NRG1: variants seen among roughly 807,000 people sequenced by gnomAD.
NRG1 encodes neuregulin 1, also known as pro-neuregulin-1, membrane-bound isoform.
A neutral mutation model predicts 63.8 loss-of-function variants in NRG1; 18 were observed. The observed-to-expected ratio is 0.28, with a 90% CI of 0.19 to 0.42. The LOEUF is 0.42. Among genes scored for constraint, NRG1 ranks in the 10% least tolerant of loss-of-function variants. The pLI is 1.00. For synonymous variants in NRG1, 302 were observed against 301.3 expected, an observed-to-expected ratio of 1.00 and a Z score of -0.02; for missense variants, 762 against 814.7, an observed-to-expected ratio of 0.94 and a Z score of 0.79.
chr8:32,233,469 A>T (rs1465424190), intron 1 of NRG1, among the ~76,000 whole-genome samples: 3 of 150,320 alleles, frequency 2.0e-5, no homozygotes, highest in Non-Finnish European at 3.0e-5. Flanking sequence ...CTATAAAAGT[A>T]TGCAAATATA....
chr8:32,659,041 G>A lies in NRG1; in HGVS notation c.502+42156G>A, dbSNP rs536131406. Among the ~76,000 whole-genome samples the A allele has an allele frequency of 5.6e-4, 85 of 152,202 alleles. 1 individual carries two copies. The South Asian group carries it at 9.3e-3, about 17-fold the overall frequency. ...TTCTGATGGTCCTTGGATTTATAGC[G>A]CAGATTTAGGGGAGCTGAGTTTAAT... is the stretch of plus-strand genomic sequence containing the variant. On this transcript the variant is annotated intron_variant, in intron 5 of 11. Coordinates refer to ENST00000356819, the Ensembl canonical transcript of NRG1.
At chr8:32,043,325 A>C (rs1820398618) in intron 1 of NRG1, among the ~76,000 whole-genome samples, 2 of 152,118 alleles carry the variant, frequency 1.3e-5, no homozygotes, top group African/African-American at 4.8e-5. Context: ...TGTCAAGTAA[A>C]AATATTATAT....
At chr8:31,865,919 T>G (rs1015489057) in intron 1 of NRG1, among the ~76,000 whole-genome samples, 2 of 152,196 alleles carry the variant, frequency 1.3e-5, no homozygotes, top group African/African-American at 4.8e-5. Context: ...TTATGACTTT[T>G]TACATTTTGA....
At chr8:32,363,118 T>C in intron 1 of NRG1, among the ~76,000 whole-genome samples, 1 of 152,214 alleles carries the variant, frequency 6.6e-6, no homozygotes, top group East Asian at 1.9e-4. Context: ...CCTCATAGTC[T>C]GCATCTTCAA....
At chr8:32,044,088 G>A (rs953781567) in intron 1 of NRG1, among the ~76,000 whole-genome samples, 3 of 151,968 alleles carry the variant, frequency 2.0e-5, no homozygotes, top group South Asian at 2.1e-4. Flanking sequence ...ACAAAGGTAT[G>A]CCCAAAGTAA....
At chr8:32,171,993 G>C (rs1840112971) in intron 1 of NRG1, among the ~76,000 whole-genome samples, 1 of 152,184 alleles carries the variant, frequency 6.6e-6, no homozygotes, top group African/African-American at 2.4e-5. Flanking sequence ...GCTTTGAAGA[G>C]AGTAGTGGTT....
chr8:32,054,652 G>C (rs1822548563), intron 1 of NRG1, among the ~76,000 whole-genome samples: 1 of 151,994 alleles, frequency 6.6e-6, no homozygotes, highest in Non-Finnish European at 1.5e-5. Flanking sequence ...GGCTATTGCT[G>C]TTTTATAGAT....
intron 5 of NRG1, among the ~76,000 whole-genome samples, chr8:32,656,724 C>T (rs772109720): frequency 3.2e-4 from 48 of 152,230 alleles, no homozygotes; most frequent in Non-Finnish European, 6.0e-4. Context: ...GAGGCAGCCC[C>T]TTCGAAGCAT....
Position 32,188,666 on chromosome 8 carries a change from A to G in NRG1, c.38-407162A>G, listed in dbSNP as rs187590530. On this transcript the variant is annotated intron_variant, in intron 1 of 10. Coordinates refer to the NRG1 transcript ENST00000519301. ...TGTGACTAAGGAAGAATGGTTAAAG[A>G]AATGTCGCTGGTATCAGAGACAAGA... Among the ~76,000 whole-genome samples, 137 of 152,270 alleles carry G rather than the reference A, an allele frequency of 9.0e-4. 1 individual carries two copies. Among genetic ancestry groups the G allele is most frequent in the African/African-American group, 3.1e-3 (127 of 41,542 alleles).
intron 1 of NRG1, among the ~76,000 whole-genome samples, chr8:32,532,675 A>G (rs1831570496): frequency 1.3e-5 from 2 of 152,052 alleles, no homozygotes; most frequent in South Asian, 2.1e-4. Flanking sequence ...AATCTTTCCT[A>G]TAATTCATAG....
exon 12 of NRG1, chr8:32,764,171 C>T (rs1334326153): frequency 6.2e-7 from 1 of 1,614,106 alleles, no homozygotes; most frequent in East Asian, 2.2e-5. Flanking sequence ...AAGTGGACAG[C>T]AACACAAGCT....
chr8:32,655,817 G>T (rs1301890460), intron 5 of NRG1, among the ~76,000 whole-genome samples: 2 of 152,184 alleles, frequency 1.3e-5, no homozygotes, highest in African/African-American at 4.8e-5. Context: ...GGAAAAGACT[G>T]CATGGTATGT....
At chr8:31,991,377 C>CAT in intron 1 of NRG1, among the ~76,000 whole-genome samples, 3 of 148,052 alleles carry the variant, frequency 2.0e-5, no homozygotes, top group African/African-American at 4.9e-5. Context: ...TCCTCCTCCT[C>CAT]CTCTTCTTCT....
chr8:32,764,883 G>A (rs1831302645), exon 12 of NRG1: 1 of 153,048 alleles, frequency 6.5e-6, no homozygotes, highest in African/African-American at 2.4e-5. Flanking sequence ...TTCAGAATAT[G>A]AAATGAGTTG....
chr8:32,630,729 G>A (rs1563807161), intron 5 of NRG1, among the ~76,000 whole-genome samples: 1 of 135,522 alleles, frequency 7.4e-6, no homozygotes, highest in Non-Finnish European at 1.6e-5. Context: ...CAGATTTTAG[G>A]TTTTTTTTTT....
chr8:32,121,943 A>G (rs1180014057), intron 1 of NRG1, among the ~76,000 whole-genome samples: 1 of 152,028 alleles, frequency 6.6e-6, no homozygotes, highest in Non-Finnish European at 1.5e-5. Context: ...AAAATCATGA[A>G]AAACTTTGTT....
At chr8:31,785,148 G>A (rs1353011018) in intron 1 of NRG1, among the ~76,000 whole-genome samples, 5 of 152,058 alleles carry the variant, frequency 3.3e-5, no homozygotes, top group South Asian at 2.1e-4. Flanking sequence ...TTTGTGCTTA[G>A]CATTTTTAAC....
intron 1 of NRG1, among the ~76,000 whole-genome samples, chr8:31,845,239 A>G (rs1299277166): frequency 1.3e-5 from 2 of 152,158 alleles, no homozygotes; most frequent in African/African-American, 2.4e-5. Context: ...ACACATATTA[A>G]ATTATTGGTA....
At chr8:31,731,068 G>A (rs1297337585) in intron 1 of NRG1, among the ~76,000 whole-genome samples, 2 of 152,086 alleles carry the variant, frequency 1.3e-5, no homozygotes, top group African/African-American at 4.8e-5. Context: ...TCTAAATACT[G>A]GAAATGATAT....
Sources: allele counts gnomAD v4.1 joint callset (sites outside exome capture counted in the v4.1 genomes callset), GRCh38; gene constraint gnomAD v4.1.1; transcripts MANE v1.5; gene names NCBI Gene and HGNC (gene_info 2026-07-23, HGNC 2026-07-21).